The following GRM1 variants were observed in gnomAD, a reference collection of about 807,000 sequenced individuals.
GRM1 encodes the protein metabotropic glutamate receptor 1.
Under a neutral mutation model 90.9 loss-of-function variants are expected in GRM1, and 33 were observed. The ratio of observed to expected loss-of-function variants is 0.36; its 90% CI spans 0.28 to 0.49. The LOEUF is 0.49. Among genes scored for constraint, GRM1 ranks in the 20% least tolerant of loss-of-function variants. The pLI, the probability that GRM1 is intolerant of heterozygous loss-of-function variation, is 0.99. For synonymous variants in GRM1, 700 were observed against 613.2 expected, an observed-to-expected ratio of 1.14 and a Z score of -2.09; for missense variants, 1,190 against 1,534.3, an observed-to-expected ratio of 0.78 and a Z score of 3.75.
At chr6:146,249,572 T>C (rs1297967694) in intron 2 of GRM1, among the ~76,000 whole-genome samples, 1 of 152,038 alleles carries the variant, frequency 6.6e-6, no homozygotes, top group Non-Finnish European at 1.5e-5. Context: ...TTTCAGAGGA[T>C]ATATGGAAAT....
chr6:146,085,507 G>T (rs1366645759), intron 1 of GRM1, among the ~76,000 whole-genome samples: 1 of 152,050 alleles, frequency 6.6e-6, no homozygotes, highest in Non-Finnish European at 1.5e-5. Flanking sequence ...CTTTTCTTTA[G>T]GTGAATAATA....
At chr6:146,320,833 A>G (rs1784158319) in intron 3 of GRM1, among the ~76,000 whole-genome samples, 1 of 151,782 alleles carries the variant, frequency 6.6e-6, no homozygotes, top group Non-Finnish European at 1.5e-5. Context: ...CTCATATTTT[A>G]TTGTGTCTAT....
At chr6:146,426,362 C>T (rs1778211316) in intron 7 of GRM1, among the ~76,000 whole-genome samples, 1 of 152,072 alleles carries the variant, frequency 6.6e-6, no homozygotes, top group African/African-American at 2.4e-5. Flanking sequence ...AAGAGATGCA[C>T]CCCACTGACA....
intron 2 of GRM1, among the ~76,000 whole-genome samples, chr6:146,302,380 T>G (rs1281374464): frequency 1.4e-5 from 2 of 146,100 alleles, no homozygotes; most frequent in Non-Finnish European, 3.0e-5. Context: ...ACTGGTCACT[T>G]TTTTTTTTTG....
chr6:146,090,000 A>G (rs748153143), intron 1 of GRM1, among the ~76,000 whole-genome samples: 2 of 152,128 alleles, frequency 1.3e-5, no homozygotes, highest in Non-Finnish European at 2.9e-5. Context: ...TATTATAGAT[A>G]TTAAACTTCA....
chr6:146,342,249 T>C (rs1320447665), intron 3 of GRM1, among the ~76,000 whole-genome samples: 2 of 152,246 alleles, frequency 1.3e-5, no homozygotes, highest in African/African-American at 4.8e-5. Context: ...TAAAGAGCTA[T>C]GCAAAAATTT....
chr6:146,348,163 TA>T (rs1433137926), intron 3 of GRM1, among the ~76,000 whole-genome samples: 3 of 152,212 alleles, frequency 2.0e-5, no homozygotes, highest in Non-Finnish European at 4.4e-5. Flanking sequence ...AGACAAGTGT[TA>T]TGAAAAGGCA....
chr6:146,147,490 C>G (rs1777157364), intron 1 of GRM1, among the ~76,000 whole-genome samples: 2 of 152,196 alleles, frequency 1.3e-5, no homozygotes, highest in African/African-American at 4.8e-5. Flanking sequence ...TTTAGGATCA[C>G]AAGGCATTTG....
At chr6:146,420,916 T>C (rs1475791034) in intron 7 of GRM1, among the ~76,000 whole-genome samples, 2 of 152,124 alleles carry the variant, frequency 1.3e-5, no homozygotes, top group African/African-American at 4.8e-5. Flanking sequence ...TTATCTATAC[T>C]CTGATAATTA....
chr6:146,076,860 T>C (rs1776203508), intron 1 of GRM1, among the ~76,000 whole-genome samples: 1 of 152,132 alleles, frequency 6.6e-6, no homozygotes, highest in Non-Finnish European at 1.5e-5. Context: ...CTCCTTTGCC[T>C]GAAAGTCTTC....
Position 146,396,442 on chromosome 6 carries a change from C to G in GRM1, c.1730-2327C>G, listed in dbSNP as rs566108405. 1.5e-4 allele frequency among the ~76,000 whole-genome samples: 23 copies of G among 152,258 alleles called. No individual in the cohort carries two copies. The South Asian group carries it at 4.4e-3, about 29-fold the overall frequency. ...TCTAAGAAACCTAAGGCTGAGTGAC[C>G]TACCACTTTTGGCAAATTGGTTATC... On this transcript the variant is annotated intron_variant, in intron 6 of 7. Coordinates refer to ENST00000282753, the MANE Select transcript of GRM1 (RefSeq NM_001278064.2).
At chr6:146,224,219 T>C (rs1260794691) in intron 2 of GRM1, among the ~76,000 whole-genome samples, 1 of 152,180 alleles carries the variant, frequency 6.6e-6, no homozygotes, top group East Asian at 1.9e-4. Context: ...GTTCAGAAAA[T>C]ATCCATTAAA....
At chr6:146,307,519 T>TAA (rs1783620732) in intron 3 of GRM1, among the ~76,000 whole-genome samples, 1 of 152,214 alleles carries the variant, frequency 6.6e-6, no homozygotes, top group African/African-American at 2.4e-5. Context: ...TTCTGTGAAA[T>TAA]TGGCTTCAAT....
chr6:146,405,106 G>T (rs2114605486), intron 7 of GRM1, among the ~76,000 whole-genome samples: 1 of 152,290 alleles, frequency 6.6e-6, no homozygotes, highest in East Asian at 1.9e-4. Context: ...GAACAGGACA[G>T]AGGAGATATT....
intron 1 of GRM1, among the ~76,000 whole-genome samples, chr6:146,144,525 C>T (rs1724062289): frequency 1.3e-5 from 2 of 152,182 alleles, no homozygotes; most frequent in African/African-American, 4.8e-5. Context: ...GCTTCTCAAC[C>T]TTGAACTTCT....
At chr6:146,122,548 T>C (rs1442521804) in intron 1 of GRM1, among the ~76,000 whole-genome samples, 1 of 152,170 alleles carries the variant, frequency 6.6e-6, no homozygotes. Context: ...GGTTCTCTCC[T>C]CTGTGACTGC....
chr6:146,272,544 A>T (rs1281873165), intron 2 of GRM1, among the ~76,000 whole-genome samples: 1 of 152,220 alleles, frequency 6.6e-6, no homozygotes, highest in Non-Finnish European at 1.5e-5. Context: ...TGGATTTCCC[A>T]TGCACACAAA....
At chr6:146,153,867 A>G (rs1777429355) in intron 1 of GRM1, among the ~76,000 whole-genome samples, 1 of 152,212 alleles carries the variant, frequency 6.6e-6, no homozygotes, top group Non-Finnish European at 1.5e-5. Flanking sequence ...ATTTCATGAA[A>G]CCAGTTAACT....
chr6:146,341,176 C>T (rs1401860184), intron 3 of GRM1, among the ~76,000 whole-genome samples: 2 of 152,116 alleles, frequency 1.3e-5, no homozygotes. Context: ...ATTGCTCATT[C>T]CTTCAATCTA....
Sources: allele counts gnomAD v4.1 joint callset (sites outside exome capture counted in the v4.1 genomes callset), GRCh38; gene constraint gnomAD v4.1.1; transcripts MANE v1.5; gene names NCBI Gene and HGNC (gene_info 2026-07-23, HGNC 2026-07-21).